Variants in MORN1 observed in about 807,000 individuals in gnomAD.
The protein encoded by MORN1 is MORN repeat-containing protein 1.
A neutral mutation model predicts 61.9 loss-of-function variants in MORN1; 67 were observed. The ratio of observed to expected loss-of-function variants is 1.08; its 90% CI spans 0.89 to 1.33. The LOEUF (loss-of-function observed/expected upper bound fraction) is 1.33, where lower values mean the gene tolerates loss of function less well. Ranked by LOEUF, MORN1 falls within the 40% of genes most tolerant of loss-of-function variation. The pLI is 0.00. For synonymous variants in MORN1, 301 were observed against 292.0 expected (o/e 1.03, Z -0.31); for missense variants, 752 against 691.2 (o/e 1.09, Z -0.99).
intron 1 of MORN1, among the ~76,000 whole-genome samples, chr1:2,391,087 G>A (rs866218751): frequency 6.6e-6 from 1 of 152,242 alleles, no homozygotes; most frequent in African/African-American, 2.4e-5. Context: ...AAGTCAGGAG[G>A]CTTGGTGCTG....
chr1:2,324,523 C>T (rs778387006), intron 12 of MORN1, among the ~76,000 whole-genome samples: 51 of 152,298 alleles, frequency 3.3e-4, no homozygotes, highest in Non-Finnish European at 4.9e-4. Context: ...TGAGAGACGG[C>T]GAGGCTGGAG....
Position 2,324,126 on chromosome 1 carries a change from G to C in MORN1, c.1268C>G (p.Thr423Arg). 1 of 1,600,854 alleles carries C rather than the reference G, an allele frequency of 6.2e-7. No individual in the cohort carries two copies. The highest frequency in any genetic ancestry group is 8.5e-7 in the Non-Finnish European group (1 of 1,175,038). Residue 423 changes from threonine (T) to arginine (R), a missense_variant, in exon 13 of 14, where the codon ACG becomes AGG. Coordinates refer to ENST00000378531, the MANE Select transcript of MORN1 (RefSeq NM_024848.3). ...PGGSRPEGRA[T>R]EEQAAAAHLG... is the part of the protein sequence containing the mutation. ...GTGTGCTGCCGCAGCCTGCTCCTCC[G>C]TGGCTCTCCCCTCAGGCCTGTGGAG...
At chr1:2,373,904 G>A (rs1642178215) in intron 7 of MORN1, among the ~76,000 whole-genome samples, 1 of 152,232 alleles carries the variant, frequency 6.6e-6, no homozygotes, top group Admixed American at 6.5e-5. Context: ...GACCTTGCAG[G>A]TGCCCCGGCG....
Position 2,389,056 on chromosome 1 carries a change from G to C in MORN1, c.149-719C>G, listed in dbSNP as rs540061858. Reference sequence around the variant, plus strand: ...GAACCTGGGAGCCGGAGGTTGCAGTGAGCCGAGATGGCAGCATTGCACTCC... The same window carrying C: ...GAACCTGGGAGCCGGAGGTTGCAGTCAGCCGAGATGGCAGCATTGCACTCC... On this transcript the variant is annotated intron_variant, in intron 2 of 13. Transcript: ENST00000378531. Among the ~76,000 whole-genome samples the C allele has an allele frequency of 1.7e-3, 255 of 149,934 alleles. 2 individuals are homozygous for C. The highest frequency in any genetic ancestry group is 5.9e-3 in the African/African-American group (239 of 40,774).
intron 12 of MORN1, among the ~76,000 whole-genome samples, chr1:2,324,907 G>A (rs1050572255): frequency 6.6e-6 from 1 of 151,934 alleles, no homozygotes; most frequent in African/African-American, 2.4e-5. Context: ...GGTCAGGGAA[G>A]CAGGTGGGCC....
chr1:2,341,701 A>AG (rs905929509), intron 10 of MORN1, among the ~76,000 whole-genome samples: 2 of 151,868 alleles, frequency 1.3e-5, no homozygotes, highest in Non-Finnish European at 2.9e-5. Context: ...AGAAAAAAAA[A>AG]AAAAAAAAAG....
At chr1:2,327,297 CACAG>C (rs1268673005) in intron 12 of MORN1, among the ~76,000 whole-genome samples, 8 of 151,106 alleles carry the variant, frequency 5.3e-5, no homozygotes, top group Non-Finnish European at 1.0e-4. Context: ...CACACAGAAA[CACAG>C]AAACAAACAC....
At chr1:2,362,391 A>G (rs747250575) in intron 8 of MORN1, among the ~76,000 whole-genome samples, 24 of 152,306 alleles carry the variant, frequency 1.6e-4, no homozygotes, top group Non-Finnish European at 1.9e-4. Flanking sequence ...AAACCTGTGT[A>G]TGAGTGGATC....
intron 12 of MORN1, among the ~76,000 whole-genome samples, chr1:2,330,723 C>T (rs990481867): frequency 3.3e-5 from 5 of 152,198 alleles, no homozygotes; most frequent in Admixed American, 6.5e-5. Context: ...CACACAAGGT[C>T]GCCGCGCACA....
intron 4 of MORN1, chr1:2,387,146 G>A (rs1642516656): frequency 2.0e-6 from 1 of 506,608 alleles, no homozygotes; most frequent in East Asian, 3.3e-5. Context: ...TAAAGCAGTG[G>A]CCATTTTAAC....
At position 2,332,803 on chromosome 1, in the gene MORN1, C is replaced by T. The variant is rs548203320; in HGVS notation, c.1250+3666G>A. ...AGTGAGTGAGGCTTTGGGGCTTGTG[C>T]GGAGACGAGGGGAGAAGCCGGAGCC... On this transcript the variant is annotated intron_variant, in intron 12 of 13. Transcript: ENST00000378531. The T allele has an allele frequency of 6.9e-4, 307 of 447,814 alleles. 1 individual carries two copies. Among genetic ancestry groups the T allele is most frequent in the African/African-American group, 5.5e-3 (275 of 50,004 alleles). The allele number at this position is 447,814 out of a possible 1,614,324, so 27.7% of individuals were successfully genotyped here. A position where few individuals can be genotyped will look rare whatever the true frequency, so the allele number is the denominator to read the frequency against.
At chr1:2,342,717 G>A (rs1641421156) in intron 10 of MORN1, among the ~76,000 whole-genome samples, 1 of 152,152 alleles carries the variant, frequency 6.6e-6, no homozygotes, top group African/African-American at 2.4e-5. Flanking sequence ...ACGAGGAGGT[G>A]TAGGCTGGGC....
At chr1:2,388,033 GAA>G in intron 3 of MORN1, 1 of 531,430 alleles carries the variant, frequency 1.9e-6, no homozygotes, top group South Asian at 2.8e-5. Context: ...CTTTATTCTA[GAA>G]AAGTGTCTCC....
chr1:2,376,983 A>C (rs1055136001), intron 6 of MORN1: 1 of 152,120 alleles, frequency 6.6e-6, no homozygotes, highest in Non-Finnish European at 1.5e-5. Flanking sequence ...AGAGTCCTGG[A>C]GCAGCTGCCT....
At chr1:2,342,457 G>A (rs539364810) in intron 10 of MORN1, among the ~76,000 whole-genome samples, 48 of 152,340 alleles carry the variant, frequency 3.2e-4, no homozygotes, top group Admixed American at 9.1e-4. Context: ...GAACAGTCTC[G>A]TTTGGAGGTG....
In MORN1 at chr1:2,360,630, A is replaced by G. The variant is rs113860911; in HGVS notation, c.746-1915T>C. Among the ~76,000 whole-genome samples the G allele has an allele frequency of 4.5e-3, 678 of 152,212 alleles. 8 individuals carry two copies. The highest frequency in any genetic ancestry group is 0.016 in the African/African-American group (653 of 41,536). ...AGCGAAGAGGAGAGAGAGGACCCTG[A>G]GTAGAGGGAGGACCCTGAGTAGAGG... On this transcript the variant is annotated intron_variant, in intron 8 of 13. Coordinates refer to ENST00000378531, the MANE Select transcript of MORN1 (RefSeq NM_024848.3).
chr1:2,326,809 C>A (rs1053822798), intron 12 of MORN1: 1 of 152,338 alleles, frequency 6.6e-6, no homozygotes, highest in East Asian at 1.9e-4. Context: ...CTTTCGGAGG[C>A]CTGGCCTGGC....
In MORN1 at chr1:2,385,891, C is replaced by A; in HGVS notation, c.365G>T (p.Gly122Val). 3.7e-6 allele frequency: 6 copies of A among 1,613,942 alleles called. No individual in the cohort carries two copies. Among genetic ancestry groups the A allele is most frequent in the Non-Finnish European group, 5.1e-6 (6 of 1,179,996 alleles). Reference protein sequence around the residue: ...EVSHGMREGHGFLVDRDGQVY... With the variant: ...EVSHGMREGHVFLVDRDGQVY... ...TTGTCCATCCCGGTCCACCAGAAAC[C>A]CGTGTCCTGGAGAAGGGACCGAGAG... The change falls in exon 5 of 14, where the codon GGG becomes GTG. Residue 122 changes from glycine (G) to valine (V), a missense_variant. By Grantham distance (109) the Gly-to-Val change is moderately radical. Transcript: ENST00000378531.
intron 8 of MORN1, among the ~76,000 whole-genome samples, chr1:2,369,417 T>C (rs1225187646): frequency 6.7e-6 from 1 of 150,330 alleles, no homozygotes; most frequent in East Asian, 2.0e-4. Flanking sequence ...TGTAAAGCCA[T>C]TGGAACCCTC....
Sources: allele counts gnomAD v4.1 joint callset (sites outside exome capture counted in the v4.1 genomes callset), GRCh38; gene constraint gnomAD v4.1.1; transcripts MANE v1.5; gene names NCBI Gene and HGNC (gene_info 2026-07-23, HGNC 2026-07-21).